Variants in TLK1 observed in about 807,000 individuals in gnomAD.
The protein encoded by TLK1 is serine/threonine-protein kinase tousled-like 1.
In TLK1, 24 loss-of-function variants were observed where a neutral mutation model predicts 105.3. The observed-to-expected ratio is 0.23, with a 90% confidence interval of 0.17 to 0.32. The LOEUF (loss-of-function observed/expected upper bound fraction) is 0.32. TLK1 is among the 10% of genes least tolerant of loss of function. The probability of loss-of-function intolerance (pLI) is 1.00; values close to 1 mark genes in which losing one functional copy is unlikely to be tolerated. For synonymous variants in TLK1, 321 were observed against 310.4 expected (o/e 1.03, Z -0.36); for missense variants, 558 against 910.5 (o/e 0.61, Z 4.98).
At chr2:171,001,906 T>C (rs546495363) in intron 18 of TLK1, among the ~76,000 whole-genome samples, 35 of 151,906 alleles carry the variant, frequency 2.3e-4, no homozygotes, top group Middle Eastern at 3.4e-3. Flanking sequence ...TCAGCCTCCA[T>C]AGTAGCTGAG....
chr2:171,117,901 T>C, intron 1 of TLK1, 44 bp from the exon 2 acceptor site: 2 of 1,287,880 alleles, frequency 1.6e-6, no homozygotes, highest in Non-Finnish European at 2.2e-6. Flanking sequence ...TATATGTGTG[T>C]ATACTTTATA....
intron 1 of TLK1, among the ~76,000 whole-genome samples, chr2:171,123,057 T>TACACACACACACACACACACAC (rs71008752): frequency 7.1e-6 from 1 of 141,218 alleles, no homozygotes; most frequent in African/African-American, 2.6e-5. Flanking sequence ...AATAAATAAA[T>TACACACACACACACACACACAC]ACACACACAC....
At chr2:171,170,237 G>A (rs1692701378) in intron 1 of TLK1, among the ~76,000 whole-genome samples, 1 of 152,156 alleles carries the variant, frequency 6.6e-6, no homozygotes, top group African/African-American at 2.4e-5. Context: ...TATGTAGTAA[G>A]CAAGCTTGTA....
intron 3 of TLK1, among the ~76,000 whole-genome samples, chr2:171,077,458 A>C (rs926381293): frequency 6.6e-6 from 1 of 152,308 alleles, no homozygotes; most frequent in East Asian, 1.9e-4. Context: ...TTCATAGTCA[A>C]GGTTCTGCCA....
At chr2:171,167,580 A>G (rs1474113245) in intron 1 of TLK1, among the ~76,000 whole-genome samples, 5 of 152,230 alleles carry the variant, frequency 3.3e-5, no homozygotes, top group Admixed American at 6.5e-5. Flanking sequence ...GATAGTTCCA[A>G]GCTTTTGTAT....
intron 1 of TLK1, among the ~76,000 whole-genome samples, chr2:171,200,497 A>G (rs1693378652): frequency 6.6e-6 from 1 of 152,228 alleles, no homozygotes; most frequent in South Asian, 2.1e-4. Context: ...CCATTAAGGT[A>G]GGCCTAAGCT....
intron 18 of TLK1, among the ~76,000 whole-genome samples, chr2:170,999,852 A>G (rs950593420): frequency 1.3e-5 from 2 of 151,998 alleles, no homozygotes; most frequent in Non-Finnish European, 2.9e-5. Flanking sequence ...TCGATCTCCA[A>G]GCCTCAAGCG....
chr2:171,030,731 AAAGAT>A (rs1559353277), intron 11 of TLK1, among the ~76,000 whole-genome samples: 8 of 152,194 alleles, frequency 5.3e-5, no homozygotes, highest in Non-Finnish European at 1.0e-4. Context: ...CTAATTTTTA[AAAGAT>A]ATTTAAATTT....
intron 1 of TLK1, among the ~76,000 whole-genome samples, chr2:171,131,874 GGTA>G (rs1691119417): frequency 6.6e-6 from 1 of 151,098 alleles, no homozygotes; most frequent in African/African-American, 2.4e-5. Context: ...TTTATACAGT[GGTA>G]GCCCCTGGCA....
chr2:171,004,660 C>T (rs545971100), intron 18 of TLK1, among the ~76,000 whole-genome samples: 57 of 152,034 alleles, frequency 3.7e-4, no homozygotes, highest in African/African-American at 1.3e-3. Flanking sequence ...GTCCTGCAGA[C>T]GAAGAATAAT....
At chr2:171,209,968 T>C (rs1693582223) in intron 1 of TLK1, among the ~76,000 whole-genome samples, 1 of 152,190 alleles carries the variant, frequency 6.6e-6, no homozygotes, top group Non-Finnish European at 1.5e-5. Flanking sequence ...TCTCAAAATT[T>C]CCAGGAGCTT....
At chr2:171,130,115 T>G (rs1691039070) in intron 1 of TLK1, among the ~76,000 whole-genome samples, 1 of 152,140 alleles carries the variant, frequency 6.6e-6, no homozygotes, top group African/African-American at 2.4e-5. Flanking sequence ...AAAATCTTGG[T>G]AATAACGGCT....
chr2:171,110,043 A>G (rs1457589497), intron 2 of TLK1, among the ~76,000 whole-genome samples: 2 of 152,220 alleles, frequency 1.3e-5, no homozygotes, highest in Non-Finnish European at 2.9e-5. Context: ...GAAGTGTTCT[A>G]TATTTTGTTT....
chr2:171,100,528 G>T (rs1302819142), intron 2 of TLK1, among the ~76,000 whole-genome samples: 2 of 152,112 alleles, frequency 1.3e-5, no homozygotes, highest in Non-Finnish European at 2.9e-5. Flanking sequence ...CTCCTCGCCA[G>T]AAGCCAAGGC....
At chr2:171,217,400 G>T (rs1693734795) in intron 1 of TLK1, among the ~76,000 whole-genome samples, 1 of 152,208 alleles carries the variant, frequency 6.6e-6, no homozygotes, top group Non-Finnish European at 1.5e-5. Flanking sequence ...AAGGAAAAAT[G>T]ACCATTTTGA....
chr2:171,030,186 T>G (rs533105589), intron 11 of TLK1, among the ~76,000 whole-genome samples: 2 of 152,350 alleles, frequency 1.3e-5, no homozygotes, highest in East Asian at 3.9e-4. Context: ...CAGCAACATT[T>G]AGTATAAATG....
intron 1 of TLK1, among the ~76,000 whole-genome samples, chr2:171,129,224 T>C (rs1558958174): frequency 6.6e-6 from 1 of 152,204 alleles, no homozygotes; most frequent in Non-Finnish European, 1.5e-5. Context: ...TAGGTGCTTC[T>C]TGAAATAAAT....
intron 2 of TLK1, among the ~76,000 whole-genome samples, chr2:171,093,961 C>A (rs567907958): frequency 9.9e-5 from 15 of 152,252 alleles, no homozygotes; most frequent in African/African-American, 3.4e-4. Context: ...CAATCTATCA[C>A]TACTCAGAAG....
chr2:171,152,795 G>A (rs904136688), intron 1 of TLK1, among the ~76,000 whole-genome samples: 1 of 151,844 alleles, frequency 6.6e-6, no homozygotes, highest in Non-Finnish European at 1.5e-5. Flanking sequence ...GGCTCCAGTG[G>A]GTTTATGAGG....
Sources: allele counts gnomAD v4.1 joint callset (sites outside exome capture counted in the v4.1 genomes callset), GRCh38; gene constraint gnomAD v4.1.1; transcripts MANE v1.5; gene names NCBI Gene and HGNC (gene_info 2026-07-23, HGNC 2026-07-21).